Variants in SLCO1A2 observed in about 807,000 individuals in gnomAD.
SLCO1A2 encodes solute carrier organic anion transporter family member 1A2, also known as OATP-1.
Under a neutral mutation model 69.0 loss-of-function variants are expected in SLCO1A2, and 67 were observed. The ratio of observed to expected loss-of-function variants is 0.97; its 90% CI spans 0.80 to 1.19. The LOEUF (loss-of-function observed/expected upper bound fraction) is 1.19, where lower values mean the gene tolerates loss of function less well. Among genes scored for constraint, SLCO1A2 ranks in the 50% most tolerant of loss-of-function variants. SLCO1A2 has a pLI of 0.00. For missense variants in SLCO1A2, 787 were observed against 793.7 expected (o/e 0.99, Z 0.10); for synonymous variants, 260 against 265.9 (o/e 0.98, Z 0.22).
At chr12:21,335,482 A>C (rs999086815), upstream of SLCO1A2, among the ~76,000 whole-genome samples, 8 of 151,998 alleles carry the variant, frequency 5.3e-5, no homozygotes, top group Non-Finnish European at 1.0e-4. Flanking sequence ...AACTCAAATA[A>C]ATTCTACTAA....
chr12:21,275,545 G>C, intron 12 of SLCO1A2, 121 bp from the exon 13 acceptor site: 1 of 1,044,452 alleles, frequency 9.6e-7, no homozygotes, highest in Non-Finnish European at 1.3e-6. Flanking sequence ...TTACTTTCAT[G>C]CTCACTTATT....
Position 21,366,914 on chromosome 12 carries a change from G to GAAAAAA in SLCO1A2, c.-63+7484_-63+7485insTTTTTT, listed in dbSNP as rs139220898. On this transcript the variant is annotated intron_variant, in intron 2 of 15. Transcript: ENST00000307378. The stretch of plus-strand genomic sequence containing the variant: ...AAGCGTTTTGGGAGAGGAAAGCAGA[G>GAAAAAA]AAAATGGAGAGGAGACAAATATCAA... Among the ~76,000 whole-genome samples, 5 of 152,014 alleles carry GAAAAAA rather than the reference G, an allele frequency of 3.3e-5. No individual in the cohort carries two copies. The East Asian group carries it at 9.7e-4, about 29-fold the overall frequency.
chr12:21,282,132 A>G (rs903716793), intron 12 of SLCO1A2, among the ~76,000 whole-genome samples: 3 of 151,788 alleles, frequency 2.0e-5, no homozygotes, highest in Non-Finnish European at 4.4e-5. Flanking sequence ...AAAAAAAAAA[A>G]AGGAAAACTA....
At chr12:21,398,714 G>A (rs1941571476), upstream of SLCO1A2, among the ~76,000 whole-genome samples, 2 of 151,328 alleles carry the variant, frequency 1.3e-5, no homozygotes, top group Admixed American at 1.3e-4. Flanking sequence ...TGCAAGGCTG[G>A]TTCAATATAC....
At chr12:21,399,894 T>G (rs1189828766), upstream of SLCO1A2, among the ~76,000 whole-genome samples, 1 of 150,448 alleles carries the variant, frequency 6.6e-6, no homozygotes, top group Non-Finnish European at 1.5e-5. Flanking sequence ...ATTAAAGACT[T>G]AAACGTTAGA....
chr12:21,285,398 G>C (rs1449207400), intron 12 of SLCO1A2, among the ~76,000 whole-genome samples: 1 of 148,408 alleles, frequency 6.7e-6, no homozygotes, highest in African/African-American at 2.5e-5. Context: ...TCCAGGACCA[G>C]ATGGATTCAC....
intron 2 of SLCO1A2, among the ~76,000 whole-genome samples, chr12:21,330,508 C>CA (rs960366154): frequency 4.0e-5 from 6 of 150,336 alleles, no homozygotes; most frequent in African/African-American, 9.8e-5. Flanking sequence ...GGCCCTGCCT[C>CA]AAAAAAAATA....
At chr12:21,418,610 T>C (rs1942026549), upstream of SLCO1A2, among the ~76,000 whole-genome samples, 1 of 152,092 alleles carries the variant, frequency 6.6e-6, no homozygotes, top group Non-Finnish European at 1.5e-5. Flanking sequence ...CCATCAGATC[T>C]CATGAGACTT....
At chr12:21,416,597 G>T (rs115055703) in intron 1 of SLCO1A2, among the ~76,000 whole-genome samples, 2,142 of 151,968 alleles carry the variant, frequency 0.014, 45 homozygotes, top group African/African-American at 0.048. Context: ...TTGTCTGCAG[G>T]CTGGTCTTGT....
intron 2 of SLCO1A2, among the ~76,000 whole-genome samples, chr12:21,359,899 A>G (rs941687063): frequency 3.3e-5 from 5 of 152,230 alleles, no homozygotes; most frequent in African/African-American, 1.2e-4. Flanking sequence ...CCCGAAGTCC[A>G]TTAACAAAAT....
chr12:21,376,761 C>A lies in SLCO1A2; in HGVS notation c.-189-2236G>T, dbSNP rs529501166. On this transcript the variant is annotated intron_variant, in intron 1 of 15. Coordinates refer to the SLCO1A2 transcript ENST00000307378. Reference sequence around the variant, plus strand: ...TGAAATACTCCCCACACAAGGTAAACACAATGAGATAAATCCATTGCATTT... The same window carrying A: ...TGAAATACTCCCCACACAAGGTAAAAACAATGAGATAAATCCATTGCATTT... Among the ~76,000 whole-genome samples the A allele has an allele frequency of 1.1e-4, 17 of 152,060 alleles. No homozygotes were observed. In the South Asian group the frequency reaches 3.3e-3, roughly 30 times the overall value.
At chr12:21,318,282 C>A (rs897208836) in intron 3 of SLCO1A2, among the ~76,000 whole-genome samples, 1 of 151,972 alleles carries the variant, frequency 6.6e-6, no homozygotes, top group African/African-American at 2.4e-5. Context: ...CCATACCCGG[C>A]CAATTTGTTT....
chr12:21,280,678 C>CA (rs71444113), intron 12 of SLCO1A2, among the ~76,000 whole-genome samples: 20,717 of 127,982 alleles, frequency 0.16, 1,739 homozygotes, highest in African/African-American at 0.19. Context: ...TCTTCCAGAC[C>CA]AAAAAAAAAA....
chr12:21,310,178 T>C (rs1436510559), intron 4 of SLCO1A2, among the ~76,000 whole-genome samples: 1 of 152,238 alleles, frequency 6.6e-6, no homozygotes, highest in African/African-American at 2.4e-5. Flanking sequence ...CACTAATGTA[T>C]AGACATATCT....
chr12:21,315,802 A>G (rs762297540), intron 3 of SLCO1A2, among the ~76,000 whole-genome samples: 1 of 152,140 alleles, frequency 6.6e-6, no homozygotes, highest in Non-Finnish European at 1.5e-5. Context: ...TTTGAAATCC[A>G]TATCTGTTTT....
intron 12 of SLCO1A2, among the ~76,000 whole-genome samples, chr12:21,288,763 T>G (rs1160098685): frequency 6.6e-6 from 1 of 152,036 alleles, no homozygotes; most frequent in Non-Finnish European, 1.5e-5. Flanking sequence ...TGTATCAGAA[T>G]ATCTCACATA....
upstream of SLCO1A2, among the ~76,000 whole-genome samples, chr12:21,335,328 A>C (rs920053962): frequency 6.6e-6 from 1 of 151,916 alleles, no homozygotes; most frequent in Non-Finnish European, 1.5e-5. Context: ...TTGCAAACTA[A>C]GATGTAAGAC....
intron 1 of SLCO1A2, among the ~76,000 whole-genome samples, chr12:21,414,540 T>A (rs1007305779): frequency 6.6e-6 from 1 of 152,122 alleles, no homozygotes; most frequent in South Asian, 2.1e-4. Context: ...GATGCTTGAT[T>A]TTTTTTAATT....
At chr12:21,376,501 G>A (rs1940202310) in intron 1 of SLCO1A2, 1 of 173,830 alleles carries the variant, frequency 5.8e-6, no homozygotes, top group East Asian at 1.7e-4. Flanking sequence ...TAGTGTGAAT[G>A]AGATTGATAT....
Sources: allele counts gnomAD v4.1 joint callset (sites outside exome capture counted in the v4.1 genomes callset), GRCh38; gene constraint gnomAD v4.1.1; transcripts MANE v1.5; gene names NCBI Gene and HGNC (gene_info 2026-07-23, HGNC 2026-07-21).